ADAMTSL1: variants seen among roughly 807,000 people sequenced by gnomAD.
ADAMTSL1 encodes the protein ADAMTS like 1.
ADAMTSL1 carries 126 observed loss-of-function variants against 201.8 expected under a neutral mutation model. That is an observed-to-expected ratio of 0.62 (90% CI 0.54 to 0.72). ADAMTSL1 has a LOEUF of 0.72. Among genes scored for constraint, ADAMTSL1 ranks in the 30% least tolerant of loss-of-function variants. The pLI is 0.00. For missense variants in ADAMTSL1, 2,679 were observed against 2,277.8 expected, an observed-to-expected ratio of 1.18 and a Z score of -3.59; for synonymous variants, 1,121 against 903.4, an observed-to-expected ratio of 1.24 and a Z score of -4.32.
intron 23 of ADAMTSL1, among the ~76,000 whole-genome samples, chr9:18,866,708 A>T (rs925557067): frequency 6.6e-6 from 1 of 152,220 alleles, no homozygotes; most frequent in African/African-American, 2.4e-5. Context: ...TGTAGTTAGG[A>T]TATACATTCA....
intron 2 of ADAMTSL1, among the ~76,000 whole-genome samples, chr9:18,305,588 A>T (rs1159610620): frequency 6.6e-6 from 1 of 152,214 alleles, no homozygotes; most frequent in African/African-American, 2.4e-5. Flanking sequence ...ACAAAGCCGC[A>T]GGGAAGTTCA....
chr9:17,968,501 C>G (rs1430961466), intron 1 of ADAMTSL1, among the ~76,000 whole-genome samples: 5 of 152,132 alleles, frequency 3.3e-5, no homozygotes, highest in Admixed American at 1.3e-4. Context: ...CCCACTATTC[C>G]TTCAGATTGA....
intron 1 of ADAMTSL1, among the ~76,000 whole-genome samples, chr9:18,085,366 A>C (rs1469577455): frequency 1.3e-5 from 2 of 152,064 alleles, no homozygotes; most frequent in Non-Finnish European, 2.9e-5. Flanking sequence ...TCTTCTTCAT[A>C]GACATCATGA....
intron 1 of ADAMTSL1, among the ~76,000 whole-genome samples, chr9:17,960,712 C>G (rs1817716571): frequency 6.6e-6 from 1 of 152,204 alleles, no homozygotes; most frequent in Admixed American, 6.5e-5. Flanking sequence ...CTGTATTCAT[C>G]TGTCTTTTTA....
At chr9:18,246,041 C>G (rs1831248097) in intron 2 of ADAMTSL1, among the ~76,000 whole-genome samples, 1 of 152,144 alleles carries the variant, frequency 6.6e-6, no homozygotes. Context: ...CTATGTCCCT[C>G]TACCGGCTGC....
intron 4 of ADAMTSL1, among the ~76,000 whole-genome samples, chr9:18,579,928 T>C (rs1409729707): frequency 6.6e-6 from 1 of 152,232 alleles, no homozygotes; most frequent in Non-Finnish European, 1.5e-5. Context: ...AGCATAAATG[T>C]ATGGACAGAA....
chr9:18,009,422 G>C (rs1341729780), intron 1 of ADAMTSL1, among the ~76,000 whole-genome samples: 1 of 152,008 alleles, frequency 6.6e-6, no homozygotes, highest in Non-Finnish European at 1.5e-5. Flanking sequence ...ACAGCACAGT[G>C]TAAGTCTCCT....
At chr9:18,419,674 C>A (rs1057283066) in intron 2 of ADAMTSL1, among the ~76,000 whole-genome samples, 1 of 151,030 alleles carries the variant, frequency 6.6e-6, no homozygotes, top group South Asian at 2.1e-4. Flanking sequence ...CGAAAGTATG[C>A]TGAGTGAAAG....
At chr9:18,177,454 C>G (rs934687309) in intron 2 of ADAMTSL1, among the ~76,000 whole-genome samples, 2 of 152,212 alleles carry the variant, frequency 1.3e-5, no homozygotes, top group Non-Finnish European at 2.9e-5. Flanking sequence ...TGAAACTTCC[C>G]CAGACAGTGG....
chr9:18,752,652 G>A (rs775743628), intron 15 of ADAMTSL1, among the ~76,000 whole-genome samples: 1 of 152,138 alleles, frequency 6.6e-6, no homozygotes, highest in African/African-American at 2.4e-5. Context: ...ACTCATCTGC[G>A]TATTTGAGTG....
intron 2 of ADAMTSL1, among the ~76,000 whole-genome samples, chr9:18,322,170 AATCT>A (rs199722256): frequency 0.017 from 2,595 of 152,338 alleles, 32 homozygotes; most frequent in Non-Finnish European, 0.026. Context: ...AAAGGTTTAA[AATCT>A]ATCAGCTGAG....
At chr9:18,324,776 A>T (rs1834763600) in intron 2 of ADAMTSL1, among the ~76,000 whole-genome samples, 1 of 152,092 alleles carries the variant, frequency 6.6e-6, no homozygotes, top group Non-Finnish European at 1.5e-5. Context: ...AAAAAAAAAA[A>T]AATACACTAC....
Position 18,520,454 on chromosome 9 carries a change from G to A in ADAMTSL1, c.192-12793G>A, listed in dbSNP as rs531586803. ...AGCAGAAGTGTTGAATTACAAAACT[G>A]AGGTCACAAAAATATGTTATCTATG... is the stretch of plus-strand genomic sequence containing the variant. On this transcript the variant is annotated intron_variant, in intron 2 of 28. Transcript: ENST00000380548. Among the ~76,000 whole-genome samples the A allele has an allele frequency of 4.6e-5, 7 of 152,358 alleles. No homozygotes were observed. In the South Asian group the frequency reaches 1.2e-3, roughly 27 times the overall value.
At chr9:18,229,468 G>T (rs1349233812) in intron 2 of ADAMTSL1, among the ~76,000 whole-genome samples, 4 of 151,362 alleles carry the variant, frequency 2.6e-5, no homozygotes, top group African/African-American at 9.7e-5. Flanking sequence ...GATGGAGACA[G>T]ATTTTAGGTT....
chr9:18,365,045 C>T (rs950812747), intron 2 of ADAMTSL1, among the ~76,000 whole-genome samples: 1 of 152,190 alleles, frequency 6.6e-6, no homozygotes, highest in African/African-American at 2.4e-5. Flanking sequence ...GTGCCCATAT[C>T]CTATGACCCA....
rs1284335936 is a variant in ADAMTSL1, at chr9:18,908,599, A to G, written c.*51A>G. ...CCCTGGCCACACGAAGGACTCACGC[A>G]ACCACCTCGGACAGAACCTAAGCTT... On this transcript the variant is annotated 3_prime_UTR_variant, in exon 29 of 29. Transcript: ENST00000380548. The G allele has an allele frequency of 1.4e-6, 2 of 1,409,892 alleles. No homozygotes were observed. Among genetic ancestry groups the G allele is most frequent in the Middle Eastern group, 1.8e-4 (1 of 5,678 alleles). The allele number at this position is 1,409,892 out of a possible 1,614,324, so 87.3% of individuals were successfully genotyped here. A position where few individuals can be genotyped will look rare whatever the true frequency, so the allele number is the denominator to read the frequency against.
chr9:18,243,989 C>T (rs1426656106), intron 2 of ADAMTSL1, among the ~76,000 whole-genome samples: 1 of 152,054 alleles, frequency 6.6e-6, no homozygotes, highest in African/African-American at 2.4e-5. Flanking sequence ...TGCATCCAAC[C>T]TCTGATATGA....
At chr9:18,242,561 A>G (rs1363952738) in intron 2 of ADAMTSL1, among the ~76,000 whole-genome samples, 2 of 152,142 alleles carry the variant, frequency 1.3e-5, no homozygotes, top group Non-Finnish European at 2.9e-5. Flanking sequence ...AGAAAGGAAG[A>G]AATACAATTA....
intron 1 of ADAMTSL1, among the ~76,000 whole-genome samples, chr9:18,047,270 A>C (rs900471495): frequency 1.3e-5 from 2 of 152,210 alleles, no homozygotes; most frequent in Admixed American, 6.5e-5. Context: ...AGTCTAAGGT[A>C]GTGGCTTTCA....
Sources: gnomAD v4.1 joint callset for allele counts (sites outside exome capture counted in the v4.1 genomes callset) on GRCh38, gnomAD v4.1.1 for gene constraint, MANE v1.5 for transcripts, NCBI Gene and HGNC (gene_info 2026-07-23, HGNC 2026-07-21) for gene names.